Variants in CILK1 observed in about 807,000 individuals in gnomAD.
CILK1 encodes ciliogenesis associated kinase 1.
A neutral mutation model predicts 79.2 loss-of-function variants in CILK1; 47 were observed. The ratio of observed to expected loss-of-function variants is 0.59; its 90% CI spans 0.47 to 0.76. CILK1 has a LOEUF of 0.76. Ranked by LOEUF, CILK1 falls within the 30% of genes least tolerant of loss-of-function variation. The pLI is 0.00. For synonymous variants in CILK1, 266 were observed against 275.9 expected, an observed-to-expected ratio of 0.96 and a Z score of 0.36; for missense variants, 660 against 769.5, an observed-to-expected ratio of 0.86 and a Z score of 1.68.
intron 12 of CILK1, among the ~76,000 whole-genome samples, chr6:53,009,121 G>A (rs1172309707): frequency 6.6e-6 from 1 of 152,222 alleles, no homozygotes; most frequent in Non-Finnish European, 1.5e-5. Context: ...CTCAAGAGGA[G>A]GGTGCCTGCT....
At chr6:53,022,482 C>T (rs1388672855) in intron 5 of CILK1, among the ~76,000 whole-genome samples, 1 of 152,204 alleles carries the variant, frequency 6.6e-6, no homozygotes, top group Non-Finnish European at 1.5e-5. Flanking sequence ...CTAGGAACAA[C>T]AGGCTATACC....
At chr6:53,008,304 C>T (rs974476184) in intron 12 of CILK1, among the ~76,000 whole-genome samples, 3 of 151,916 alleles carry the variant, frequency 2.0e-5, no homozygotes, top group African/African-American at 7.3e-5. Flanking sequence ...TGCAAAACCA[C>T]ACTATGAAGT....
chr6:53,035,407 A>G (rs1159794947), intron 3 of CILK1, among the ~76,000 whole-genome samples: 1 of 152,152 alleles, frequency 6.6e-6, no homozygotes, highest in East Asian at 1.9e-4. Flanking sequence ...GTTAAAAAAA[A>G]CCAAAACAGC....
intron 11 of CILK1, among the ~76,000 whole-genome samples, chr6:53,009,917 T>C (rs375150576): frequency 6.6e-6 from 1 of 152,150 alleles, no homozygotes; most frequent in African/African-American, 2.4e-5. Context: ...CCCCCACCCA[T>C]GGCCTCCAAC....
At chr6:53,006,741 G>A (rs1317223777) in intron 12 of CILK1, among the ~76,000 whole-genome samples, 1 of 152,168 alleles carries the variant, frequency 6.6e-6, no homozygotes, top group Non-Finnish European at 1.5e-5. Flanking sequence ...TGTAAAAGTA[G>A]ATTTAGACTA....
intron 1 of CILK1, among the ~76,000 whole-genome samples, chr6:53,055,055 G>A: frequency 6.6e-6 from 1 of 152,226 alleles, no homozygotes; most frequent in East Asian, 1.9e-4. Context: ...TCTGGGAGTT[G>A]TGGTTTACCA....
chr6:53,032,977 A>G (rs1419746113), intron 3 of CILK1, among the ~76,000 whole-genome samples: 1 of 152,226 alleles, frequency 6.6e-6, no homozygotes, highest in African/African-American at 2.4e-5. Context: ...AGGCTGTGGA[A>G]GAAGCCAGAG....
chr6:53,021,589 T>C (rs1185729520), intron 5 of CILK1, among the ~76,000 whole-genome samples: 2 of 152,152 alleles, frequency 1.3e-5, no homozygotes, highest in African/African-American at 4.8e-5. Flanking sequence ...CACTTATCAA[T>C]ACATGTAAAG....
chr6:53,031,487 G>A (rs1229824251), intron 4 of CILK1, among the ~76,000 whole-genome samples: 2 of 152,142 alleles, frequency 1.3e-5, no homozygotes, highest in East Asian at 1.9e-4. Context: ...GCACACTGCC[G>A]TCATTGTCAA....
At chr6:53,031,014 G>T in intron 5 of CILK1, 51 bp downstream of exon 5, 2 of 1,258,920 alleles carry the variant, frequency 1.6e-6, no homozygotes, top group South Asian at 1.2e-5. Flanking sequence ...ACTTCTACTT[G>T]ATAACAACAT....
intron 5 of CILK1, among the ~76,000 whole-genome samples, chr6:53,020,759 T>G (rs554093476): frequency 3.0e-4 from 45 of 152,340 alleles, no homozygotes; most frequent in African/African-American, 1.1e-3. Flanking sequence ...TCACTGAAGA[T>G]CTACACGATT....
At chr6:53,027,549 TACC>T in intron 5 of CILK1, among the ~76,000 whole-genome samples, 1 of 152,342 alleles carries the variant, frequency 6.6e-6, no homozygotes, top group South Asian at 2.1e-4. Flanking sequence ...GAGAATGGGC[TACC>T]AGAGAAAAGC....
rs754239641 is a variant in CILK1 at position 53,037,922 on chromosome 6, G to A, written c.156+17C>T. On this transcript the variant is annotated intron_variant, in intron 3 of 13. Coordinates refer to ENST00000676107, the MANE Select transcript of CILK1 (RefSeq NM_014920.5). ...TTTAATCATCCATAAATTATTCCTT[G>A]GTATATTAATATATACCTTAACCTC... 2 of 1,390,716 alleles carry A rather than the reference G, an allele frequency of 1.4e-6. No individual in the cohort carries two copies. Among genetic ancestry groups the A allele is most frequent in the South Asian group, 1.2e-5 (1 of 85,528 alleles). 86.1% of individuals were successfully genotyped at this position (1,390,716 alleles called of 1,614,324 possible).
chr6:53,030,224 T>C (rs1765845535), intron 5 of CILK1, among the ~76,000 whole-genome samples: 2 of 152,212 alleles, frequency 1.3e-5, no homozygotes, highest in African/African-American at 4.8e-5. Context: ...CTGGCCCCCG[T>C]AGAAATGTTT....
At chr6:53,019,740 CGCT>C (rs1191630973) in intron 5 of CILK1, among the ~76,000 whole-genome samples, 1 of 152,102 alleles carries the variant, frequency 6.6e-6, no homozygotes, top group African/African-American at 2.4e-5. Flanking sequence ...AATCATAGTT[CGCT>C]GCAGTCTGGG....
intron 1 of CILK1, among the ~76,000 whole-genome samples, chr6:53,045,476 T>A (rs181112655): frequency 6.6e-6 from 1 of 152,336 alleles, no homozygotes; most frequent in Non-Finnish European, 1.5e-5. Context: ...TTTTTCACTT[T>A]CAGTGCAGTA....
chr6:53,049,312 T>C (rs994487810), intron 1 of CILK1, among the ~76,000 whole-genome samples: 1 of 152,230 alleles, frequency 6.6e-6, no homozygotes, highest in Non-Finnish European at 1.5e-5. Flanking sequence ...AGGTGACAGA[T>C]AGACCTTTAT....
At chr6:53,019,951 T>A (rs889127199) in intron 5 of CILK1, among the ~76,000 whole-genome samples, 3 of 152,008 alleles carry the variant, frequency 2.0e-5, no homozygotes, top group Non-Finnish European at 2.9e-5. Flanking sequence ...GGATTATAAG[T>A]GTGAGCCACC....
chr6:53,031,978 C>A (rs1317980795), intron 4 of CILK1, among the ~76,000 whole-genome samples: 1 of 152,178 alleles, frequency 6.6e-6, no homozygotes, highest in Admixed American at 6.5e-5. Context: ...GGATTACAGG[C>A]ATGCCCCACC....
Sources: gnomAD v4.1 joint callset for allele counts (sites outside exome capture counted in the v4.1 genomes callset) on GRCh38, gnomAD v4.1.1 for gene constraint, MANE v1.5 for transcripts, NCBI Gene and HGNC (gene_info 2026-07-23, HGNC 2026-07-21) for gene names.